Variants in TRHDE observed in about 807,000 individuals in gnomAD.
TRHDE encodes thyrotropin-releasing hormone-degrading ectoenzyme.
TRHDE carries 72 observed loss-of-function variants against 125.7 expected under a neutral mutation model. The ratio of observed to expected loss-of-function variants is 0.57; its 90% CI spans 0.47 to 0.70. The LOEUF (loss-of-function observed/expected upper bound fraction) is 0.70, where lower values mean the gene tolerates loss of function less well. Ranked by LOEUF, TRHDE falls within the 30% of genes least tolerant of loss-of-function variation. TRHDE has a pLI of 0.00. For synonymous variants in TRHDE, 509 were observed against 509.1 expected, an observed-to-expected ratio of 1.00 and a Z score of 0.00; for missense variants, 1,110 against 1,327.1, an observed-to-expected ratio of 0.84 and a Z score of 2.54.
At chr12:72,186,711 C>T (rs1340098939) in intron 2 of TRHDE, 2 of 152,056 alleles carry the variant, frequency 1.3e-5, no homozygotes, top group South Asian at 2.1e-4. Flanking sequence ...TGACATTGCC[C>T]ATTGCCAAAC....
intron 7 of TRHDE, among the ~76,000 whole-genome samples, chr12:72,558,159 G>A (rs1870010888): frequency 6.6e-6 from 1 of 152,140 alleles, no homozygotes; most frequent in Non-Finnish European, 1.5e-5. Flanking sequence ...TTTACAGGCT[G>A]TGTGAACAGT....
At chr12:72,407,723 T>C (rs978320159) in intron 3 of TRHDE, among the ~76,000 whole-genome samples, 1 of 152,172 alleles carries the variant, frequency 6.6e-6, no homozygotes, top group African/African-American at 2.4e-5. Context: ...GAGTTAAACT[T>C]GAATAAAAGT....
At chr12:72,517,828 G>T (rs984388925) in intron 6 of TRHDE, among the ~76,000 whole-genome samples, 25 of 151,900 alleles carry the variant, frequency 1.6e-4, no homozygotes, top group Non-Finnish European at 8.8e-5. Context: ...GCGTCCCAGA[G>T]ATTCTGGTAT....
At chr12:72,352,481 T>C (rs1397354665) in intron 2 of TRHDE, among the ~76,000 whole-genome samples, 1 of 151,800 alleles carries the variant, frequency 6.6e-6, no homozygotes, top group Non-Finnish European at 1.5e-5. Context: ...TTCCCCATTT[T>C]TATATGAAAT....
chr12:72,448,851 G>A (rs1435603291), intron 3 of TRHDE, among the ~76,000 whole-genome samples: 5 of 150,240 alleles, frequency 3.3e-5, no homozygotes, highest in Non-Finnish European at 7.4e-5. Context: ...TTTTTTGTAT[G>A]TGTGGAAGAC....
At chr12:72,603,094 G>A (rs1449451318) in intron 12 of TRHDE, among the ~76,000 whole-genome samples, 1 of 152,122 alleles carries the variant, frequency 6.6e-6, no homozygotes, top group African/African-American at 2.4e-5. Context: ...CTTCTTTGAG[G>A]GGAGTTTGAA....
At chr12:72,418,344 T>G (rs1034039739) in intron 3 of TRHDE, among the ~76,000 whole-genome samples, 3 of 152,122 alleles carry the variant, frequency 2.0e-5, no homozygotes, top group African/African-American at 7.2e-5. Flanking sequence ...AATGCCAATT[T>G]TTTTAAGATA....
chr12:72,104,951 T>A (rs927607486), intron 1 of TRHDE, among the ~76,000 whole-genome samples: 1 of 152,136 alleles, frequency 6.6e-6, no homozygotes, highest in African/African-American at 2.4e-5. Flanking sequence ...AGCTTTTCCA[T>A]AGAGTTGGGA....
intron 7 of TRHDE, among the ~76,000 whole-genome samples, chr12:72,555,895 T>TA (rs1414596046): frequency 6.6e-6 from 1 of 152,194 alleles, no homozygotes; most frequent in Non-Finnish European, 1.5e-5. Context: ...GCTCAGAACT[T>TA]ACGGTTCTCA....
chr12:72,568,378 T>C (rs757403765), intron 9 of TRHDE, among the ~76,000 whole-genome samples, 190 bp from the exon 10 acceptor site: 1 of 152,130 alleles, frequency 6.6e-6, no homozygotes, highest in Non-Finnish European at 1.5e-5. Context: ...AAAGGCCAAG[T>C]CTTCTTAATG....
At chr12:72,356,205 G>C (rs191193260) in intron 2 of TRHDE, among the ~76,000 whole-genome samples, 3 of 151,742 alleles carry the variant, frequency 2.0e-5, no homozygotes, top group African/African-American at 7.2e-5. Context: ...ATATTACACA[G>C]CCATAAAAAC....
At chr12:72,343,205 T>C (rs1471163844) in intron 2 of TRHDE, among the ~76,000 whole-genome samples, 3 of 152,048 alleles carry the variant, frequency 2.0e-5, no homozygotes, top group Non-Finnish European at 4.4e-5. Context: ...ATGAGTACAA[T>C]TGTCCCTCAG....
intron 2 of TRHDE, among the ~76,000 whole-genome samples, chr12:72,331,552 A>T (rs561134396): frequency 4.6e-5 from 7 of 152,336 alleles, no homozygotes; most frequent in East Asian, 3.9e-4. Flanking sequence ...TAACTGAGAT[A>T]CAGACCTCCT....
chr12:72,370,917 A>G (rs1346779850), intron 2 of TRHDE, among the ~76,000 whole-genome samples: 1 of 151,806 alleles, frequency 6.6e-6, no homozygotes, highest in Non-Finnish European at 1.5e-5. Context: ...TAATTTTTAT[A>G]TTTTTGTTAG....
chr12:72,375,333 A>G (rs1871827234), intron 2 of TRHDE, among the ~76,000 whole-genome samples: 1 of 152,216 alleles, frequency 6.6e-6, no homozygotes, highest in African/African-American at 2.4e-5. Context: ...GGTAAATAAT[A>G]GAAGTTTGAA....
chr12:72,615,744 T>C (rs935262498), intron 12 of TRHDE, among the ~76,000 whole-genome samples: 3 of 152,122 alleles, frequency 2.0e-5, no homozygotes, highest in Non-Finnish European at 4.4e-5. Flanking sequence ...TTAAAAAATA[T>C]TGACCCCAAA....
At chr12:72,590,790 G>A (rs1469676036) in intron 12 of TRHDE, among the ~76,000 whole-genome samples, 5 of 152,080 alleles carry the variant, frequency 3.3e-5, no homozygotes, top group African/African-American at 4.8e-5. Flanking sequence ...TCATGAGAAT[G>A]TTTAGTCTTT....
At chr12:72,342,277 G>A (rs1273295480) in intron 2 of TRHDE, among the ~76,000 whole-genome samples, 1 of 152,128 alleles carries the variant, frequency 6.6e-6, no homozygotes, top group Admixed American at 6.6e-5. Flanking sequence ...TGTGGTTTAA[G>A]TGAAAATAAG....
intron 2 of TRHDE, among the ~76,000 whole-genome samples, chr12:72,142,096 T>G (rs1026255652): frequency 6.6e-6 from 1 of 151,882 alleles, no homozygotes; most frequent in Non-Finnish European, 1.5e-5. Context: ...AAAGAAATCT[T>G]CAGATGGGCA....
Sources: allele counts gnomAD v4.1 joint callset (sites outside exome capture counted in the v4.1 genomes callset), GRCh38; gene constraint gnomAD v4.1.1; transcripts MANE v1.5; gene names NCBI Gene and HGNC (gene_info 2026-07-23, HGNC 2026-07-21).